The following SEC24B variants were observed in gnomAD, a reference collection of about 807,000 sequenced individuals.
SEC24B encodes the protein SEC24 homolog B, COPII component.
A neutral mutation model predicts 142.8 loss-of-function variants in SEC24B; 45 were observed. The observed-to-expected ratio is 0.32, with a 90% CI of 0.25 to 0.40. The LOEUF is 0.40. Among genes scored for constraint, SEC24B ranks in the 10% least tolerant of loss-of-function variants. SEC24B has a pLI of 1.00. For missense variants in SEC24B, 1,409 were observed against 1,526.8 expected (o/e 0.92, Z 1.29); for synonymous variants, 574 against 568.2 (o/e 1.01, Z -0.15).
intron 17 of SEC24B, 53 bp from the exon 18 acceptor site, chr4:109,527,269 C>T (rs1196047867): frequency 4.5e-6 from 5 of 1,117,138 alleles, no homozygotes; most frequent in Non-Finnish European, 6.6e-6. Flanking sequence ...GACATGTTTG[C>T]TTTGCTTTAT....
intron 22 of SEC24B, among the ~76,000 whole-genome samples, chr4:109,536,938 CAAT>C (rs759901630): frequency 2.0e-5 from 3 of 151,272 alleles, no homozygotes; most frequent in Non-Finnish European, 2.9e-5. Context: ...TATTTGGTAA[CAAT>C]AAATAAATAA....
At chr4:109,527,920 G>A (rs1724433681) in intron 18 of SEC24B, among the ~76,000 whole-genome samples, 1 of 152,034 alleles carries the variant, frequency 6.6e-6, no homozygotes, top group Admixed American at 6.6e-5. Flanking sequence ...AATCTTTGAG[G>A]GAATTCATAA....
chr4:109,497,140 C>A (rs1735619757), intron 6 of SEC24B, among the ~76,000 whole-genome samples: 1 of 152,232 alleles, frequency 6.6e-6, no homozygotes, highest in Non-Finnish European at 1.5e-5. Context: ...GCTGCTTTTG[C>A]ACTACAGTAG....
At chr4:109,513,305 A>T (rs1737573039) in intron 9 of SEC24B, among the ~76,000 whole-genome samples, 1 of 136,610 alleles carries the variant, frequency 7.3e-6, no homozygotes, top group East Asian at 2.2e-4. Context: ...TTTTTCGGAG[A>T]CAGAGTCTCA....
intron 8 of SEC24B, 116 bp from the exon 9 acceptor site, chr4:109,511,841 T>G: frequency 9.5e-7 from 1 of 1,053,522 alleles, no homozygotes; most frequent in Non-Finnish European, 1.4e-6. Context: ...TGCTTCCATA[T>G]AAAACCACAT....
At chr4:109,526,979 GA>G (rs1278404712) in intron 17 of SEC24B, among the ~76,000 whole-genome samples, 1 of 152,144 alleles carries the variant, frequency 6.6e-6, no homozygotes, top group Non-Finnish European at 1.5e-5. Flanking sequence ...AGCACTTTGG[GA>G]GGCCGAGGTG....
At chr4:109,466,472 G>A (rs1022632130) in intron 2 of SEC24B, among the ~76,000 whole-genome samples, 10 of 152,182 alleles carry the variant, frequency 6.6e-5, no homozygotes, top group African/African-American at 2.4e-4. Context: ...GTGCAGTGGC[G>A]CCATCTCAGC....
At chr4:109,510,910 G>C (rs979997624) in intron 8 of SEC24B, among the ~76,000 whole-genome samples, 13 of 151,896 alleles carry the variant, frequency 8.6e-5, no homozygotes, top group Admixed American at 5.2e-4. Context: ...TTGGAAGCTG[G>C]AGATACAAAG....
At chr4:109,445,241 TG>T (rs1346084174) in intron 1 of SEC24B, among the ~76,000 whole-genome samples, 13 of 136,670 alleles carry the variant, frequency 9.5e-5, no homozygotes, top group African/African-American at 3.0e-4. Context: ...TTTCTTTCTT[TG>T]TTTTTTTTTT....
At chr4:109,499,549 T>C (rs1735894332) in intron 6 of SEC24B, among the ~76,000 whole-genome samples, 2 of 152,208 alleles carry the variant, frequency 1.3e-5, no homozygotes, top group Admixed American at 1.3e-4. Flanking sequence ...CATACAGTCA[T>C]GTGCTGCATA....
intron 22 of SEC24B, among the ~76,000 whole-genome samples, chr4:109,534,279 GT>G (rs11392714): frequency 1.4e-4 from 20 of 147,540 alleles, no homozygotes; most frequent in Admixed American, 2.7e-4. Flanking sequence ...AATATTTGTG[GT>G]TTTTTTTTTT....
intron 1 of SEC24B, among the ~76,000 whole-genome samples, chr4:109,455,114 T>C (rs559568454): frequency 1.8e-4 from 27 of 152,338 alleles, no homozygotes; most frequent in East Asian, 5.8e-4. Flanking sequence ...CTTTTGCAAG[T>C]TGATTTTTCA....
In SEC24B at chr4:109,522,112, C is replaced by T. The variant is rs945537937; in HGVS notation, c.2508+486C>T. On this transcript the variant is annotated intron_variant, in intron 14 of 23. Transcript: ENST00000265175. ...TGTCGCCCAGGCTGGAGTGCAGTGG[C>T]GCGCTCTCAGCTCACTGCAAGCTCT... 1.0e-4 allele frequency among the ~76,000 whole-genome samples: 15 copies of T among 150,464 alleles called. 1 individual carries two copies. The highest frequency in any genetic ancestry group is 6.0e-4 in the Admixed American group (9 of 15,054).
intron 3 of SEC24B, among the ~76,000 whole-genome samples, chr4:109,479,206 T>G (rs947140299): frequency 6.6e-6 from 1 of 152,188 alleles, no homozygotes; most frequent in Non-Finnish European, 1.5e-5. Flanking sequence ...TCATGTTAGA[T>G]TCTATAAAGT....
At chr4:109,460,120 G>C (rs1242664991) in intron 1 of SEC24B, among the ~76,000 whole-genome samples, 1 of 152,066 alleles carries the variant, frequency 6.6e-6, no homozygotes, top group Non-Finnish European at 1.5e-5. Context: ...GGAATTATAG[G>C]AGGAATGTAG....
rs115348961 is a variant in SEC24B at position 109,482,621 on chromosome 4, T to C, written c.1165+840T>C. ...ATAAACTAAAGATAATTTTGTACTA[T>C]ATATATTTTTTTATTTTGCTTTGTT... On this transcript the variant is annotated intron_variant, in intron 4 of 23. Coordinates refer to ENST00000265175, the MANE Select transcript of SEC24B (RefSeq NM_006323.5). Among the ~76,000 whole-genome samples, 1,004 of 151,994 alleles carry C rather than the reference T, an allele frequency of 6.6e-3. 11 individuals carry two copies. The highest frequency in any genetic ancestry group is 0.023 in the African/African-American group (953 of 41,458).
In SEC24B at chr4:109,513,793, G is replaced by A. The variant is rs765126274; in HGVS notation, c.1950G>A (p.Glu650=). 1 of 1,613,364 alleles carries A rather than the reference G, an allele frequency of 6.2e-7. No homozygotes were observed. Among genetic ancestry groups the A allele is most frequent in the East Asian group, 2.2e-5 (1 of 44,816 alleles). The change falls in exon 10 of 24, where the codon GAG becomes GAA. Residue 650 remains glutamate (E), a synonymous_variant. Transcript: ENST00000265175. ...MYNPLTRSYG[E]PHKRPEVQNS... Reference sequence around the variant, plus strand: ...ACCCCCTTACCCGATCTTATGGAGAGCCTCATAAACGACCAGAAGTTCAGA... The same window carrying A: ...ACCCCCTTACCCGATCTTATGGAGAACCTCATAAACGACCAGAAGTTCAGA...
In SEC24B at chr4:109,473,049, C is replaced by T. The variant is rs778285425; in HGVS notation, c.923C>T (p.Pro308Leu). The change falls in exon 3 of 24, where the codon CCC becomes CTC. Residue 308 changes from proline to leucine, a missense_variant. By Grantham distance (98) the Pro-to-Leu change is moderately conservative. Coordinates refer to ENST00000265175, the MANE Select transcript of SEC24B (RefSeq NM_006323.5). ...CCTGTTATGCAAAATGTTCAGCCTC[C>T]CAAGTCCAGCCCAGTGGTATCCACT... ...SCPVMQNVQP[P>L]KSSPVVSTVL... 4 of 1,593,078 alleles carry T rather than the reference C, an allele frequency of 2.5e-6. No individual in the cohort carries two copies. The highest frequency in any genetic ancestry group is 4.6e-5 in the East Asian group (2 of 43,564).
intron 1 of SEC24B, among the ~76,000 whole-genome samples, chr4:109,440,662 C>G (rs150386134): frequency 1.3e-5 from 2 of 152,320 alleles, no homozygotes; most frequent in African/African-American, 4.8e-5. Context: ...TTTTAAAGTA[C>G]TTAGCCCTAG....
Sources: gnomAD v4.1 joint callset for allele counts (sites outside exome capture counted in the v4.1 genomes callset) on GRCh38, gnomAD v4.1.1 for gene constraint, MANE v1.5 for transcripts, NCBI Gene and HGNC (gene_info 2026-07-23, HGNC 2026-07-21) for gene names.